MPP3: variants seen among roughly 807,000 people sequenced by gnomAD.
The protein encoded by MPP3 is MAGUK p55 scaffold protein 3.
MPP3 carries 48 observed loss-of-function variants against 80.7 expected under a neutral mutation model. That is an observed-to-expected ratio of 0.59 (90% CI 0.47 to 0.76). The LOEUF (loss-of-function observed/expected upper bound fraction) is 0.76, where lower values mean the gene tolerates loss of function less well. Among genes scored for constraint, MPP3 ranks in the 30% least tolerant of loss-of-function variants. The pLI is 0.00. For missense variants in MPP3, 620 were observed against 763.0 expected, an observed-to-expected ratio of 0.81 and a Z score of 2.21; for synonymous variants, 311 against 297.6, an observed-to-expected ratio of 1.04 and a Z score of -0.46.
chr17:43,831,136 T>C, intron 5 of MPP3, 108 bp downstream of exon 5: 1 of 1,006,160 alleles, frequency 9.9e-7, no homozygotes, highest in Admixed American at 1.9e-5. Flanking sequence ...TCTTCACCTT[T>C]GGGCTCCTGA....
At chr17:43,808,825 G>T in intron 19 of MPP3, 131 bp downstream of exon 19, 1 of 1,076,016 alleles carries the variant, frequency 9.3e-7, no homozygotes. Context: ...AGGCAAAATG[G>T]AAAGACAATC....
At chr17:43,821,461 A>G (rs2045458607) in intron 10 of MPP3, among the ~76,000 whole-genome samples, 1 of 152,258 alleles carries the variant, frequency 6.6e-6, no homozygotes, top group Non-Finnish European at 1.5e-5. Flanking sequence ...CGCTGACGGA[A>G]GGCAGCAGCC....
rs773707957 is a variant in MPP3 at position 43,813,998 on chromosome 17, T to C, written c.1255+13A>G. 3.1e-6 allele frequency: 5 copies of C among 1,603,200 alleles called. No individual in the cohort carries two copies. The highest frequency in any genetic ancestry group is 1.7e-5 in the Admixed American group (1 of 59,302). On this transcript the variant is annotated intron_variant, in intron 16 of 19. Coordinates refer to ENST00000398389, the MANE Select transcript of MPP3 (RefSeq NM_001932.6). The stretch of plus-strand genomic sequence containing the variant: ...GTGCAGACAAACACACACTCCCACA[T>C]GGGCCCTCTTACGTGGAACAGCGAC...
intron 11 of MPP3, among the ~76,000 whole-genome samples, chr17:43,820,052 C>T (rs1207202827): frequency 1.3e-5 from 2 of 152,004 alleles, no homozygotes; most frequent in African/African-American, 4.8e-5. Flanking sequence ...CTCAACTGAT[C>T]CTCCCACCCC....
rs1344404589 is a variant in MPP3 at position 43,809,167 on chromosome 17, A to G, written c.1459-89T>C. ...GAAAGCTCAATAATCGTGTGCTTCA[A>G]TACCATAACCTCAACAGCAAAGGTC... On this transcript the variant is annotated intron_variant, in intron 18 of 19. Coordinates refer to ENST00000398389, the MANE Select transcript of MPP3 (RefSeq NM_001932.6). 2.2e-6 allele frequency: 3 copies of G among 1,374,530 alleles called. No individual in the cohort carries two copies. The East Asian group carries it at 7.2e-5, about 33-fold the overall frequency. The allele number at this position is 1,374,530 out of a possible 1,614,324, so 85.1% of individuals were successfully genotyped here. A position where few individuals can be genotyped will look rare whatever the true frequency, so the allele number is the denominator to read the frequency against.
intron 8 of MPP3, among the ~76,000 whole-genome samples, chr17:43,826,195 T>G (rs2045688022): frequency 6.6e-6 from 1 of 152,242 alleles, no homozygotes. Flanking sequence ...AATCTCTGCT[T>G]CTTTAAAATT....
At chr17:43,826,161 G>A (rs186736730) in intron 8 of MPP3, among the ~76,000 whole-genome samples, 1 of 152,356 alleles carries the variant, frequency 6.6e-6, no homozygotes, top group Admixed American at 6.5e-5. Flanking sequence ...TTATGATGTA[G>A]AAAGCCTGTG....
intron 18 of MPP3, among the ~76,000 whole-genome samples, chr17:43,810,050 T>G (rs2154591191): frequency 6.6e-6 from 1 of 152,348 alleles, no homozygotes; most frequent in Non-Finnish European, 1.5e-5. Context: ...AGACTTTTAA[T>G]TTTGATCACT....
chr17:43,818,125 G>A lies in MPP3; in HGVS notation c.882-15C>T. On this transcript the variant is annotated splice_polypyrimidine_tract_variant and intron_variant, in intron 11 of 19. Transcript: ENST00000398389. The stretch of plus-strand genomic sequence containing the variant: ...AGCTTAGTCGTCTGCAGGGACACAA[G>A]GGGATGGGCGGGCCCGTGAGCTGGG... The A allele has an allele frequency of 1.3e-6, 2 of 1,510,686 alleles. No individual in the cohort carries two copies. Among genetic ancestry groups the A allele is most frequent in the Middle Eastern group, 1.7e-4 (1 of 5,738 alleles). The allele number at this position is 1,510,686 out of a possible 1,614,324, so 93.6% of individuals were successfully genotyped here. A position where few individuals can be genotyped will look rare whatever the true frequency, so the allele number is the denominator to read the frequency against.
intron 18 of MPP3, 130 bp downstream of exon 18, chr17:43,810,677 C>G: frequency 1.5e-6 from 1 of 663,544 alleles, no homozygotes; most frequent in East Asian, 2.7e-5. Context: ...AAGGAAGACC[C>G]AAAGAAATTG....
chr17:43,823,965 G>A lies in MPP3; in HGVS notation c.650C>T (p.Ala217Val). 5.0e-6 allele frequency: 8 copies of A among 1,609,544 alleles called. No individual in the cohort carries two copies. Among genetic ancestry groups the A allele is most frequent in the Non-Finnish European group, 6.8e-6 (8 of 1,178,202 alleles). ...CTTTAAGCGATCTTCCTCCTGGGTG[G>A]CTGGGATGATTTTTAGGGTGATGGA... Reference protein sequence around the residue: ...QGSITLKIIPATQEEDRLKES... With the variant: ...QGSITLKIIPVTQEEDRLKES... The change falls in exon 10 of 20, where the codon GCC becomes GTC. Residue 217 changes from alanine (A) to valine (V), a missense_variant. Transcript: ENST00000398389.
chr17:43,810,467 C>T (rs2044803686), intron 18 of MPP3, among the ~76,000 whole-genome samples: 1 of 152,096 alleles, frequency 6.6e-6, no homozygotes. Flanking sequence ...GCCCCAGTTT[C>T]ACCTGGGTAC....
At chr17:43,829,904 C>A in intron 6 of MPP3, 113 bp from the exon 7 acceptor site, 4 of 1,559,792 alleles carry the variant, frequency 2.6e-6, no homozygotes, top group Admixed American at 1.7e-5. Context: ...AGACAACTGC[C>A]CAGACACTAG....
intron 19 of MPP3, among the ~76,000 whole-genome samples, chr17:43,803,756 T>C (rs1380795110): frequency 6.6e-6 from 1 of 152,112 alleles, no homozygotes; most frequent in African/African-American, 2.4e-5. Context: ...TGGGCCCCAC[T>C]CCAAACCCCC....
rs556807168 is a variant in MPP3 at position 43,824,353 on chromosome 17, C to G, written c.610-348G>C. 2.6e-5 allele frequency among the ~76,000 whole-genome samples: 4 copies of G among 152,302 alleles called. No individual in the cohort carries two copies. In the South Asian group the frequency reaches 6.2e-4, roughly 24 times the overall value. On this transcript the variant is annotated intron_variant, in intron 9 of 19. Coordinates refer to ENST00000398389, the MANE Select transcript of MPP3 (RefSeq NM_001932.6). ...ATTCCAATTCTCCATCCCTCCTGAC[C>G]GCTACGGCCCCAGAGGGCTCCCTTC...
In MPP3 at chr17:43,829,624, G is replaced by T. The variant is rs376617553; in HGVS notation, c.441+30C>A. ...GGGGGTGAGAGGCAGGGGAAGAGTG[G>T]GTTAGAGAGGGGCAGGCAGCAGCAC... On this transcript the variant is annotated intron_variant, in intron 7 of 19. Coordinates refer to ENST00000398389, the MANE Select transcript of MPP3 (RefSeq NM_001932.6). The T allele has an allele frequency of 4.1e-5, 66 of 1,610,400 alleles. No homozygotes were observed. The African/African-American group carries it at 8.3e-4, about 20-fold the overall frequency.
chr17:43,826,831 T>TATATATATATA (rs57570654), intron 8 of MPP3, among the ~76,000 whole-genome samples: 1 of 118,522 alleles, frequency 8.4e-6, no homozygotes. Context: ...TATATATATA[T>TATATATATATA]TTTTTTTTTT....
chr17:43,820,639 C>CACACACACACACACACACAT (rs796095687), intron 11 of MPP3, among the ~76,000 whole-genome samples: 4,553 of 144,762 alleles, frequency 0.031, 140 homozygotes, highest in Non-Finnish European at 0.046. Flanking sequence ...CACACACACA[C>CACACACACACACACACACAT]ATTAACTTAA....
intron 12 of MPP3, 67 bp downstream of exon 12, chr17:43,817,979 A>G: frequency 7.1e-7 from 1 of 1,408,060 alleles, no homozygotes; most frequent in Non-Finnish European, 9.6e-7. Context: ...ACTTCTTCCC[A>G]GCCTGAATCC....
Sources: allele counts gnomAD v4.1 joint callset (sites outside exome capture counted in the v4.1 genomes callset), GRCh38; gene constraint gnomAD v4.1.1; transcripts MANE v1.5; gene names NCBI Gene and HGNC (gene_info 2026-07-23, HGNC 2026-07-21).